Variants in ZNF469 observed in about 807,000 individuals in gnomAD.
ZNF469 encodes the protein zinc finger protein 469.
A neutral mutation model predicts 1.0 loss-of-function variants in ZNF469; 1 was observed. The ratio of observed to expected loss-of-function variants is 1.00; its 90% CI spans 0.35 to 4.73. The LOEUF (loss-of-function observed/expected upper bound fraction) is 4.73, where lower values mean the gene tolerates loss of function less well. Ranked by LOEUF, ZNF469 falls within the 30% of genes most tolerant of loss-of-function variation. The probability of loss-of-function intolerance (pLI) is 0.16; values close to 1 mark genes in which losing one functional copy is unlikely to be tolerated. For missense variants in ZNF469, 6,100 were observed against 5,356.3 expected (o/e 1.14, Z -4.33); for synonymous variants, 2,703 against 2,363.4 (o/e 1.14, Z -4.17).
chr16:88,196,565 G>T, the ZNF469 span, among the ~76,000 whole-genome samples: 1 of 152,294 alleles, frequency 6.6e-6, no homozygotes, highest in East Asian at 1.9e-4. Context: ...CATTGAGTTT[G>T]GTGGAGTGGT....
intron 1 of ZNF469, among the ~76,000 whole-genome samples, chr16:88,384,818 C>G (rs2092533667): frequency 6.6e-6 from 1 of 152,000 alleles, no homozygotes; most frequent in Non-Finnish European, 1.5e-5. Context: ...GAACTTCAAC[C>G]CCCTCATCAG....
At chr16:88,231,299 G>A in the ZNF469 span, among the ~76,000 whole-genome samples, 53 of 152,322 alleles carry the variant, frequency 3.5e-4, no homozygotes, top group African/African-American at 1.1e-3. This position sits in a 1 kb window ranked among gnomAD's most constrained non-coding sequence, Gnocchi z 4.5. Context: ...AGGTTTGGGC[G>A]GGGCTCAGGG....
At chr16:88,295,593 G>C in the ZNF469 span, among the ~76,000 whole-genome samples, 1 of 152,168 alleles carries the variant, frequency 6.6e-6, no homozygotes, top group Non-Finnish European at 1.5e-5. Context: ...GTTTTGATTA[G>C]AGGGCTATCT....
chr16:88,428,838 G>C lies in ZNF469; in HGVS notation c.1368G>C (p.Leu456=). 1 of 1,548,270 alleles carries C rather than the reference G, an allele frequency of 6.5e-7. No homozygotes were observed. The highest frequency in any genetic ancestry group is 8.7e-7 in the Non-Finnish European group (1 of 1,146,398). ...APYPTPPGGP[L]AATRSMFFNG... is the part of the protein sequence containing the mutation. ...ACCCCACACCTCCTGGGGGCCCCCT[G>C]GCTGCCACCAGGAGTATGTTCTTTA... Residue 456 remains leucine (L), a synonymous_variant, in exon 3 of 3, where the codon CTG becomes CTC. Coordinates refer to ENST00000565624, the MANE Select transcript of ZNF469 (RefSeq NM_001367624.2).
chr16:88,139,018 T>G, the ZNF469 span, among the ~76,000 whole-genome samples: 3 of 152,206 alleles, frequency 2.0e-5, no homozygotes, highest in Non-Finnish European at 4.4e-5. Flanking sequence ...ACACAGACAT[T>G]CTGGGTGAAA....
chr16:88,121,617 C>T, the ZNF469 span, among the ~76,000 whole-genome samples: 1 of 152,174 alleles, frequency 6.6e-6, no homozygotes, highest in African/African-American at 2.4e-5. Flanking sequence ...GGCAAAATTC[C>T]ATACATATTT....
chr16:88,158,535 C>T, the ZNF469 span, among the ~76,000 whole-genome samples: 1 of 137,684 alleles, frequency 7.3e-6, no homozygotes, highest in East Asian at 2.2e-4. Context: ...TGCCTCTGCG[C>T]AGAAGCCTGG....
chr16:88,338,280 C>T, the ZNF469 span, among the ~76,000 whole-genome samples: 1 of 150,160 alleles, frequency 6.7e-6, no homozygotes, highest in African/African-American at 2.5e-5. Flanking sequence ...CAGTACCCAG[C>T]GGTGGTCCTG....
the ZNF469 span, among the ~76,000 whole-genome samples, chr16:88,300,429 G>A: frequency 6.6e-6 from 1 of 152,122 alleles, no homozygotes; most frequent in African/African-American, 2.4e-5. Flanking sequence ...TCTCTAGAGT[G>A]AAAACCTGCG....
chr16:88,436,707 G>A lies in ZNF469; in HGVS notation c.9237G>A (p.Glu3079=). Residue 3079 remains glutamate (E), a synonymous_variant, in exon 3 of 3, where the codon GAG becomes GAA. Coordinates refer to ENST00000565624, the MANE Select transcript of ZNF469 (RefSeq NM_001367624.2). ...CCGGCCCCAGCTTCTTAGACTTCGAGGGCACGGCGAGCTCACAGGGGCCAC... is the reference window on the plus strand; with the variant it reads ...CCGGCCCCAGCTTCTTAGACTTCGAAGGCACGGCGAGCTCACAGGGGCCAC... The part of the protein sequence containing the change: ...GLPGPSFLDF[E]GTASSQGPQS... The A allele has an allele frequency of 6.5e-7, 1 of 1,549,634 alleles. No individual in the cohort carries two copies. The highest frequency in any genetic ancestry group is 1.2e-5 in the South Asian group (1 of 84,046).
the ZNF469 span, among the ~76,000 whole-genome samples, chr16:88,182,005 T>C: frequency 6.6e-6 from 1 of 152,134 alleles, no homozygotes. Context: ...TACCAGAAAA[T>C]GTGTAAGAGC....
the ZNF469 span, among the ~76,000 whole-genome samples, chr16:88,259,572 C>T: frequency 3.3e-5 from 5 of 152,196 alleles, no homozygotes; most frequent in African/African-American, 4.8e-5. This position sits in a 1 kb window ranked among gnomAD's most constrained non-coding sequence, Gnocchi z 4.1. Flanking sequence ...GTCCAGCCTC[C>T]AAACTTAGGG....
At chr16:88,282,300 C>T in the ZNF469 span, among the ~76,000 whole-genome samples, 1 of 152,160 alleles carries the variant, frequency 6.6e-6, no homozygotes, top group African/African-American at 2.4e-5. Flanking sequence ...TGTGTTCTCA[C>T]TGTGTTCCAG....
At chr16:88,341,853 T>A in the ZNF469 span, among the ~76,000 whole-genome samples, 5 of 151,886 alleles carry the variant, frequency 3.3e-5, no homozygotes, top group African/African-American at 1.2e-4. Flanking sequence ...GGGACCAAGG[T>A]CATGATGGGT....
chr16:88,306,052 G>A, the ZNF469 span, among the ~76,000 whole-genome samples: 5 of 152,224 alleles, frequency 3.3e-5, no homozygotes, highest in African/African-American at 9.6e-5. Context: ...TGGTCTGACT[G>A]CACTGCAAAA....
the ZNF469 span, among the ~76,000 whole-genome samples, chr16:88,335,516 C>T: frequency 1.3e-5 from 2 of 152,242 alleles, no homozygotes; most frequent in South Asian, 4.1e-4. Flanking sequence ...AGGCCCCCTC[C>T]TCGGCCCCTC....
the ZNF469 span, among the ~76,000 whole-genome samples, chr16:88,130,222 C>G: frequency 6.6e-6 from 1 of 152,136 alleles, no homozygotes; most frequent in African/African-American, 2.4e-5. Context: ...GCTGTCCAGC[C>G]CTCCCTCAAA....
intron 1 of ZNF469, among the ~76,000 whole-genome samples, chr16:88,415,032 C>G (rs1905268234): frequency 6.6e-6 from 1 of 152,226 alleles, no homozygotes; most frequent in African/African-American, 2.4e-5. Context: ...CTGCCTCGGC[C>G]TCGCAGAGAC....
At chr16:88,195,997 C>G in the ZNF469 span, among the ~76,000 whole-genome samples, 9 of 152,206 alleles carry the variant, frequency 5.9e-5, no homozygotes, top group Non-Finnish European at 1.3e-4. Flanking sequence ...GCGTCGTGAT[C>G]CACAGACATC....
Sources: gnomAD v4.1 joint callset for allele counts (sites outside exome capture counted in the v4.1 genomes callset) on GRCh38, gnomAD v4.1.1 for gene constraint, Gnocchi (gnomAD v3.1) non-coding constraint, MANE v1.5 for transcripts, NCBI Gene and HGNC (gene_info 2026-07-23, HGNC 2026-07-21) for gene names.